The following VRK2 variants were observed in gnomAD, a reference collection of about 807,000 sequenced individuals.
VRK2 encodes serine/threonine-protein kinase VRK2.
VRK2 carries 60 observed loss-of-function variants against 57.6 expected under a neutral mutation model. That is an observed-to-expected ratio of 1.04 (90% CI 0.85 to 1.29). The LOEUF is 1.29. Ranked by LOEUF, VRK2 falls within the 50% of genes most tolerant of loss-of-function variation. The pLI is 0.00. For synonymous variants in VRK2, 231 were observed against 199.2 expected (o/e 1.16, Z -1.35); for missense variants, 705 against 588.1 (o/e 1.20, Z -2.06).
At chr2:58,075,254 G>A (rs375019727) in intron 2 of VRK2, among the ~76,000 whole-genome samples, 57 of 152,090 alleles carry the variant, frequency 3.7e-4, no homozygotes, top group African/African-American at 1.2e-3. Context: ...GTAGTATTCC[G>A]TAGTGTATAT....
chr2:58,120,184 CTTTT>C (rs397868874), intron 7 of VRK2, among the ~76,000 whole-genome samples: 54 of 51,982 alleles, frequency 1.0e-3, no homozygotes, highest in African/African-American at 1.3e-3. Flanking sequence ...TTTTTCTTTT[CTTTT>C]TTTTTTTTTT....
chr2:58,080,410 A>G (rs778068608), intron 2 of VRK2, among the ~76,000 whole-genome samples: 11 of 152,004 alleles, frequency 7.2e-5, no homozygotes, highest in East Asian at 3.9e-4. Context: ...CATTGTTTCA[A>G]TGTATTTATT....
chr2:57,995,723 C>T (rs755269661), intron 1 of VRK2, among the ~76,000 whole-genome samples: 7 of 152,178 alleles, frequency 4.6e-5, no homozygotes, highest in Non-Finnish European at 1.0e-4. Context: ...ACTCAAGCAT[C>T]CAGATTTAAT....
rs555467706 is a variant in VRK2 at position 57,977,001 on chromosome 2, T to G, written c.-438-48664T>G. Among the ~76,000 whole-genome samples, 108 of 152,256 alleles carry G rather than the reference T, an allele frequency of 7.1e-4. 1 individual carries two copies. The highest frequency in any genetic ancestry group is 2.4e-3 in the African/African-American group (101 of 41,556). On this transcript the variant is annotated intron_variant, in intron 1 of 15. Coordinates refer to the VRK2 transcript ENST00000417641. ...AGAGAGTCCTTTCCCTATTGTCAAC[T>G]TTGTCAAAGATCAGATGGTTTTAGG... is the stretch of plus-strand genomic sequence containing the variant.
intron 1 of VRK2, among the ~76,000 whole-genome samples, chr2:57,926,128 C>CT (rs925609225): frequency 6.6e-6 from 1 of 151,506 alleles, no homozygotes; most frequent in African/African-American, 2.4e-5. Flanking sequence ...TTTTTTAAGA[C>CT]TTTTTTGTGA....
At chr2:58,133,536 T>C (rs973027092) in intron 9 of VRK2, among the ~76,000 whole-genome samples, 11 of 152,236 alleles carry the variant, frequency 7.2e-5, no homozygotes, top group Admixed American at 2.0e-4. Flanking sequence ...GCCAAGACAC[T>C]GTATCTCCCT....
intron 3 of VRK2, among the ~76,000 whole-genome samples, chr2:58,040,069 A>T (rs189076389): frequency 2.4e-4 from 37 of 151,884 alleles, no homozygotes; most frequent in African/African-American, 8.9e-4. Flanking sequence ...ACACTACCAC[A>T]CCTGGCTAAT....
intron 7 of VRK2, among the ~76,000 whole-genome samples, chr2:58,114,483 A>C (rs1014487204): frequency 6.6e-6 from 1 of 152,244 alleles, no homozygotes; most frequent in African/African-American, 2.4e-5. Context: ...CTGGGGCCTA[A>C]TAAAAAGGAG....
intron 2 of VRK2, among the ~76,000 whole-genome samples, chr2:58,060,135 A>C (rs926573832): frequency 9.9e-5 from 15 of 151,778 alleles, no homozygotes; most frequent in Admixed American, 6.6e-4. Flanking sequence ...ACAACAACAA[A>C]AAAATCCCAC....
At chr2:58,093,588 C>T (rs185309633) in intron 7 of VRK2, among the ~76,000 whole-genome samples, 38 of 152,198 alleles carry the variant, frequency 2.5e-4, no homozygotes, top group Non-Finnish European at 4.7e-4. Context: ...GAGTAGGTTG[C>T]GGAAATGTTC....
intron 1 of VRK2, among the ~76,000 whole-genome samples, chr2:57,995,467 A>C (rs893324505): frequency 6.6e-6 from 1 of 152,204 alleles, no homozygotes; most frequent in Non-Finnish European, 1.5e-5. Context: ...TTTTCCTTGA[A>C]GCAATAGTTT....
intron 1 of VRK2, among the ~76,000 whole-genome samples, chr2:57,977,699 T>C (rs1449408918): frequency 6.6e-6 from 1 of 151,430 alleles, no homozygotes; most frequent in Non-Finnish European, 1.5e-5. Flanking sequence ...CCTATTTGAA[T>C]GCCTTTTATT....
At chr2:58,032,508 C>T (rs1363003772) in intron 2 of VRK2, among the ~76,000 whole-genome samples, 1 of 152,058 alleles carries the variant, frequency 6.6e-6, no homozygotes, top group Non-Finnish European at 1.5e-5. Flanking sequence ...ATCTGATCAT[C>T]TTCCAAAGGT....
chr2:57,922,490 TGAG>T (rs1208620506), intron 1 of VRK2, among the ~76,000 whole-genome samples: 1 of 126,522 alleles, frequency 7.9e-6, no homozygotes, highest in African/African-American at 2.7e-5. Context: ...GTGTGTGTGA[TGAG>T]AATATTCAAA....
In VRK2 at chr2:58,139,750, AC is replaced by A; in HGVS notation, c.944del (p.Pro315LeufsTer6). ...TATCAAGCCCTCAAGAAAATTTTGA[AC>A]CCTCATGGAATACCTTTAGGACCAC... ...PNYQALKKILNPHGIPLGPLD... is the reference protein window; with the variant it reads ...PNYQALKKILXPHGIPLGPLD... On this transcript the variant is annotated frameshift_variant, in exon 11 of 13. Transcript: ENST00000340157. LOFTEE classifies it high-confidence loss of function. 1 of 1,613,264 alleles carries A rather than the reference AC, an allele frequency of 6.2e-7. No individual in the cohort carries two copies. Among genetic ancestry groups the A allele is most frequent in the Non-Finnish European group, 8.5e-7 (1 of 1,179,438 alleles).
chr2:57,985,914 T>C (rs915374874), intron 1 of VRK2, among the ~76,000 whole-genome samples: 16 of 151,982 alleles, frequency 1.1e-4, no homozygotes, highest in Non-Finnish European at 2.9e-5. Context: ...CAATTGCAAA[T>C]TCAAATAAAA....
At chr2:57,923,495 T>A (rs1670424168) in intron 1 of VRK2, among the ~76,000 whole-genome samples, 1 of 151,538 alleles carries the variant, frequency 6.6e-6, no homozygotes, top group Admixed American at 6.6e-5. Context: ...GTTGAGTACC[T>A]TTTCATATGC....
At chr2:58,046,406 A>T, upstream of VRK2, 1 of 810,812 alleles carries the variant, frequency 1.2e-6, no homozygotes, top group Non-Finnish European at 1.5e-6. Context: ...TAGTACCAAT[A>T]GTTAGTTGCT....
chr2:58,142,751 T>C (rs952810898), intron 11 of VRK2, among the ~76,000 whole-genome samples: 1 of 151,882 alleles, frequency 6.6e-6, no homozygotes, highest in East Asian at 1.9e-4. Context: ...AAAACAGCGT[T>C]ACTAAAGGCC....
Sources: allele counts gnomAD v4.1 joint callset (sites outside exome capture counted in the v4.1 genomes callset), GRCh38; gene constraint gnomAD v4.1.1; transcripts MANE v1.5; gene names NCBI Gene and HGNC (gene_info 2026-07-23, HGNC 2026-07-21).